Variants in CPXM2 observed in about 807,000 individuals in gnomAD.
CPXM2 encodes the protein inactive carboxypeptidase-like protein X2.
In CPXM2, 66 loss-of-function variants were observed where a neutral mutation model predicts 86.1. That is an observed-to-expected ratio of 0.77 (90% confidence interval 0.63 to 0.94). CPXM2 has a LOEUF of 0.94. CPXM2 is among the 40% of genes least tolerant of loss of function. The probability of loss-of-function intolerance (pLI) is 0.00; values close to 1 mark genes in which losing one functional copy is unlikely to be tolerated. For missense variants in CPXM2, 948 were observed against 1,026.3 expected (o/e 0.92, Z 1.04); for synonymous variants, 388 against 400.2 (o/e 0.97, Z 0.36).
chr10:123,747,024 A>G lies in CPXM2; in HGVS notation c.2018-7T>C, dbSNP rs1386141531. 5 of 1,613,322 alleles carry G rather than the reference A, an allele frequency of 3.1e-6. No individual in the cohort carries two copies. In the South Asian group the frequency reaches 3.3e-5, roughly 11 times the overall value. On this transcript the variant is annotated splice_region_variant and splice_polypyrimidine_tract_variant and intron_variant, in intron 13 of 13. Coordinates refer to ENST00000241305, the MANE Select transcript of CPXM2 (RefSeq NM_198148.3). ...CAGTAATCCCCATCGTTGGCTGTGA[A>G]AAAGAAAACCAGGGGAGACTCAGAG...
chr10:123,873,894 C>T, intron 2 of CPXM2, among the ~76,000 whole-genome samples: 1 of 132,086 alleles, frequency 7.6e-6, no homozygotes, highest in South Asian at 2.5e-4. Flanking sequence ...GAGTCTCACT[C>T]TGTAGCCCAA....
chr10:123,843,955 C>A (rs930509621), intron 3 of CPXM2, among the ~76,000 whole-genome samples: 1 of 152,154 alleles, frequency 6.6e-6, no homozygotes, highest in African/African-American at 2.4e-5. Flanking sequence ...GTTTTGCCAG[C>A]CTGAATATTT....
intron 4 of CPXM2, among the ~76,000 whole-genome samples, chr10:123,833,101 G>A (rs1299704019): frequency 6.6e-6 from 1 of 152,182 alleles, no homozygotes; most frequent in African/African-American, 2.4e-5. Context: ...TTACGTATAA[G>A]TTTCCCAGTC....
chr10:123,912,302 G>A (rs557350110), intron 2 of CPXM2, among the ~76,000 whole-genome samples: 1 of 129,328 alleles, frequency 7.7e-6, no homozygotes, highest in South Asian at 2.7e-4. Context: ...GTGTGCAGAT[G>A]GTGGGCGGGG....
chr10:123,862,688 T>C lies in CPXM2; in HGVS notation c.439A>G (p.Thr147Ala). The C allele has an allele frequency of 6.2e-7, 1 of 1,613,274 alleles. No homozygotes were observed. The highest frequency in any genetic ancestry group is 8.5e-7 in the Non-Finnish European group (1 of 1,179,944). ...GTGGAGGCATGGAGCTGGAAGTCTG[T>C]GATTTTTAAGGTTTCCAGACCAAGA... ...PPLGLETLKI[T>A]DFQLHASTVK... is the part of the protein sequence containing the mutation. Residue 147 changes from threonine to alanine, a missense_variant, in exon 3 of 14, where the codon ACA (threonine) becomes GCA (alanine). Coordinates refer to ENST00000241305, the MANE Select transcript of CPXM2 (RefSeq NM_198148.3).
chr10:123,783,688 C>A (rs914094615), intron 6 of CPXM2, among the ~76,000 whole-genome samples: 4 of 152,102 alleles, frequency 2.6e-5, no homozygotes, highest in Non-Finnish European at 5.9e-5. Flanking sequence ...CAGACCTGCC[C>A]CTGGAATTTT....
chr10:123,758,761 G>A (rs997332206), intron 11 of CPXM2, among the ~76,000 whole-genome samples: 6 of 152,128 alleles, frequency 3.9e-5, no homozygotes, highest in Non-Finnish European at 5.9e-5. Flanking sequence ...CACTCTGCGC[G>A]ACTCACCCAG....
At chr10:123,913,447 T>C (rs2134272312) in intron 2 of CPXM2, 1 of 152,854 alleles carries the variant, frequency 6.5e-6, no homozygotes, top group Admixed American at 6.5e-5. Context: ...AAAAGAGCAC[T>C]GGAATTATTG....
chr10:123,937,207 G>A (rs1945728416), intron 2 of CPXM2, among the ~76,000 whole-genome samples: 1 of 152,160 alleles, frequency 6.6e-6, no homozygotes, highest in Non-Finnish European at 1.5e-5. Flanking sequence ...GAAAGGAGCT[G>A]GACTTGGGTT....
chr10:123,813,789 TATC>T (rs1399180420), intron 4 of CPXM2, among the ~76,000 whole-genome samples: 2 of 152,242 alleles, frequency 1.3e-5, no homozygotes, highest in Non-Finnish European at 2.9e-5. Context: ...GCCCAACAGA[TATC>T]ATAATCTGCG....
intron 13 of CPXM2, 99 bp from the exon 14 acceptor site, chr10:123,747,116 T>G (rs186334715): frequency 7.0e-7 from 1 of 1,423,006 alleles, no homozygotes; most frequent in Non-Finnish European, 9.5e-7. Context: ...AGAGAGAGAC[T>G]CTCAGGCTGG....
chr10:123,778,880 TGAA>T (rs754226332), intron 7 of CPXM2, among the ~76,000 whole-genome samples: 1 of 152,228 alleles, frequency 6.6e-6, no homozygotes, highest in Non-Finnish European at 1.5e-5. Context: ...TCTTGATTTC[TGAA>T]GAGCAAGACA....
intron 2 of CPXM2, among the ~76,000 whole-genome samples, chr10:123,903,904 A>G (rs1446940101): frequency 6.6e-6 from 1 of 152,036 alleles, no homozygotes; most frequent in Non-Finnish European, 1.5e-5. Flanking sequence ...AAGCTCTCAG[A>G]CTCTGGCGTG....
chr10:123,881,127 C>T (rs1945082090), intron 1 of CPXM2, among the ~76,000 whole-genome samples: 2 of 151,684 alleles, frequency 1.3e-5, no homozygotes, highest in Admixed American at 1.3e-4. Context: ...ACACTGCACT[C>T]CCTCTCCCTG....
chr10:123,912,477 G>A (rs1945498823), intron 2 of CPXM2, among the ~76,000 whole-genome samples: 1 of 152,222 alleles, frequency 6.6e-6, no homozygotes, highest in East Asian at 1.9e-4. Context: ...CACATCCTGG[G>A]CCACCCCTGC....
intron 2 of CPXM2, among the ~76,000 whole-genome samples, 193 bp downstream of exon 2, chr10:123,880,018 A>G (rs1945054862): frequency 6.6e-6 from 1 of 152,214 alleles, no homozygotes; most frequent in Admixed American, 6.5e-5. Flanking sequence ...GCAGTGCACA[A>G]GTGTGAGTGT....
chr10:123,826,222 C>T (rs1848043094), intron 4 of CPXM2, among the ~76,000 whole-genome samples: 1 of 152,138 alleles, frequency 6.6e-6, no homozygotes, highest in African/African-American at 2.4e-5. Flanking sequence ...TAAGCTTACT[C>T]CCCCTTCAAT....
intron 2 of CPXM2, among the ~76,000 whole-genome samples, chr10:123,909,953 T>C (rs572245191): frequency 6.2e-4 from 95 of 152,064 alleles, no homozygotes; most frequent in African/African-American, 2.2e-3. Context: ...TCGAGAGAGG[T>C]GGCCCAGCTT....
intron 12 of CPXM2, among the ~76,000 whole-genome samples, chr10:123,756,673 GA>G (rs1282986015): frequency 6.6e-6 from 1 of 152,014 alleles, no homozygotes; most frequent in Non-Finnish European, 1.5e-5. Flanking sequence ...GTAATTAAGG[GA>G]AAAGGAGGCT....
Sources: gnomAD v4.1 joint callset for allele counts (sites outside exome capture counted in the v4.1 genomes callset) on GRCh38, gnomAD v4.1.1 for gene constraint, MANE v1.5 for transcripts, NCBI Gene and HGNC (gene_info 2026-07-23, HGNC 2026-07-21) for gene names.